FSTL4: variants seen among roughly 807,000 people sequenced by gnomAD.
FSTL4 encodes the protein follistatin-related protein 4.
FSTL4 carries 28 observed loss-of-function variants against 78.2 expected under a neutral mutation model. The observed-to-expected ratio is 0.36, with a 90% CI of 0.27 to 0.49. The LOEUF (loss-of-function observed/expected upper bound fraction) is 0.49. FSTL4 is among the 20% of genes least tolerant of loss of function. The pLI is 0.98. For synonymous variants in FSTL4, 422 were observed against 440.5 expected (o/e 0.96, Z 0.53); for missense variants, 922 against 1,084.9 (o/e 0.85, Z 2.11).
At chr5:133,605,398 GC>G (rs919735398) in intron 1 of FSTL4, among the ~76,000 whole-genome samples, 34 of 152,342 alleles carry the variant, frequency 2.2e-4, no homozygotes, top group African/African-American at 8.2e-4. Context: ...AGAAGTGGGT[GC>G]TTGAGGGACC....
chr5:133,786,962 C>T, the FSTL4 span, among the ~76,000 whole-genome samples: 57 of 152,150 alleles, frequency 3.7e-4, 1 homozygote, highest in African/African-American at 2.9e-4. Flanking sequence ...GCTTGAGTTC[C>T]GGTAGTTAGT....
the FSTL4 span, among the ~76,000 whole-genome samples, chr5:133,712,039 C>G: frequency 6.6e-6 from 1 of 152,176 alleles, no homozygotes; most frequent in African/African-American, 2.4e-5. Context: ...GCACTATTCT[C>G]TCCATCCCCA....
the FSTL4 span, among the ~76,000 whole-genome samples, chr5:133,717,876 G>C: frequency 6.6e-6 from 1 of 152,186 alleles, no homozygotes; most frequent in Non-Finnish European, 1.5e-5. Context: ...AAGCTGCTAT[G>C]AACTTTCATG....
chr5:133,515,450 G>A (rs1758833848), intron 3 of FSTL4, among the ~76,000 whole-genome samples: 1 of 151,524 alleles, frequency 6.6e-6, no homozygotes, highest in Admixed American at 6.6e-5. Context: ...ACCTATGGGA[G>A]ATTTAAGATT....
At chr5:133,793,125 G>A in the FSTL4 span, among the ~76,000 whole-genome samples, 1 of 152,214 alleles carries the variant, frequency 6.6e-6, no homozygotes, top group Non-Finnish European at 1.5e-5. Context: ...AGTGACAACT[G>A]AGGCCCACCC....
At chr5:133,762,814 T>C in the FSTL4 span, among the ~76,000 whole-genome samples, 1 of 151,800 alleles carries the variant, frequency 6.6e-6, no homozygotes, top group African/African-American at 2.4e-5. Flanking sequence ...CATCTCTCCC[T>C]CTCTCTCTCT....
chr5:133,330,389 T>C (rs1247346281), intron 4 of FSTL4, among the ~76,000 whole-genome samples: 1 of 151,982 alleles, frequency 6.6e-6, no homozygotes, highest in African/African-American at 2.4e-5. Flanking sequence ...TGAAAGAAGG[T>C]GAAAGGGGAG....
chr5:133,252,868 T>A (rs1007669554), intron 6 of FSTL4, among the ~76,000 whole-genome samples: 1 of 152,184 alleles, frequency 6.6e-6, no homozygotes, highest in Non-Finnish European at 1.5e-5. Flanking sequence ...CTCTGCTGGC[T>A]GGGATAACTG....
intron 3 of FSTL4, among the ~76,000 whole-genome samples, chr5:133,560,586 G>C (rs1210285548): frequency 6.6e-6 from 1 of 151,892 alleles, no homozygotes; most frequent in African/African-American, 2.4e-5. Flanking sequence ...GGTTGGTCTT[G>C]AACTCCTAAC....
chr5:133,629,508 C>T, the FSTL4 span, among the ~76,000 whole-genome samples: 1 of 152,098 alleles, frequency 6.6e-6, no homozygotes, highest in African/African-American at 2.4e-5. Context: ...TAATTAACAG[C>T]CTATCAACCA....
At chr5:133,835,278 C>T in the FSTL4 span, among the ~76,000 whole-genome samples, 10 of 152,090 alleles carry the variant, frequency 6.6e-5, no homozygotes, top group African/African-American at 2.4e-4. Context: ...TCAAGGGTCC[C>T]GATTCTGATA....
At chr5:133,367,724 G>A (rs1755208367) in intron 4 of FSTL4, among the ~76,000 whole-genome samples, 1 of 152,196 alleles carries the variant, frequency 6.6e-6, no homozygotes. Context: ...TGGGGTTTCT[G>A]CAGTAGGCCA....
chr5:133,616,853 C>G (rs1402030773), upstream of FSTL4, among the ~76,000 whole-genome samples: 1 of 152,182 alleles, frequency 6.6e-6, no homozygotes, highest in Admixed American at 6.5e-5. Flanking sequence ...ATCTGAGCAG[C>G]CATTCTGACC....
At chr5:133,480,651 G>A (rs1255063531) in intron 3 of FSTL4, among the ~76,000 whole-genome samples, 1 of 151,828 alleles carries the variant, frequency 6.6e-6, no homozygotes, top group East Asian at 1.9e-4. Context: ...GTGGGAGCCA[G>A]GATCTCCTCT....
chr5:133,404,207 A>G (rs1756302806), intron 3 of FSTL4, among the ~76,000 whole-genome samples: 1 of 152,208 alleles, frequency 6.6e-6, no homozygotes, highest in African/African-American at 2.4e-5. Context: ...CCAGAATCTG[A>G]TCCACAGCTA....
At chr5:133,520,239 C>A (rs1396252919) in intron 3 of FSTL4, among the ~76,000 whole-genome samples, 1 of 152,042 alleles carries the variant, frequency 6.6e-6, no homozygotes, top group African/African-American at 2.4e-5. Flanking sequence ...CAGAATTTGT[C>A]ACAGGACACT....
At chr5:133,311,805 G>A (rs1753792054) in intron 6 of FSTL4, among the ~76,000 whole-genome samples, 1 of 152,104 alleles carries the variant, frequency 6.6e-6, no homozygotes, top group Admixed American at 6.5e-5. Flanking sequence ...CACACCCAAG[G>A]GTATATGCAT....
intron 13 of FSTL4, among the ~76,000 whole-genome samples, chr5:133,212,375 G>A (rs1444028078): frequency 6.6e-6 from 1 of 152,204 alleles, no homozygotes; most frequent in Non-Finnish European, 1.5e-5. Flanking sequence ...GTCTCAATGT[G>A]CTGAGCAGCA....
chr5:133,683,692 T>C, the FSTL4 span, among the ~76,000 whole-genome samples: 1 of 152,224 alleles, frequency 6.6e-6, no homozygotes, highest in African/African-American at 2.4e-5. Context: ...TTATATTTTC[T>C]GGATTGAAAA....
Sources: gnomAD v4.1 joint callset for allele counts (sites outside exome capture counted in the v4.1 genomes callset) on GRCh38, gnomAD v4.1.1 for gene constraint, MANE v1.5 for transcripts, NCBI Gene and HGNC (gene_info 2026-07-23, HGNC 2026-07-21) for gene names.